The following PHC1 variants were observed in gnomAD, a reference collection of about 807,000 sequenced individuals.
The protein encoded by PHC1 is polyhomeotic homolog 1, also known as polyhomeotic-like protein 1.
Under a neutral mutation model 104.3 loss-of-function variants are expected in PHC1, and 12 were observed. The observed-to-expected ratio is 0.12, with a 90% confidence interval of 0.07 to 0.19. The LOEUF is 0.19. PHC1 is among the 10% of genes least tolerant of loss of function. PHC1 has a pLI of 1.00. For missense variants in PHC1, 671 were observed against 1,200.0 expected, an observed-to-expected ratio of 0.56 and a Z score of 6.51; for synonymous variants, 302 against 455.8, an observed-to-expected ratio of 0.66 and a Z score of 4.30.
At position 8,920,975 on chromosome 12, in the gene PHC1, C is replaced by G; in HGVS notation, c.226-10C>G. 6.2e-7 allele frequency: 1 copy of G among 1,605,616 alleles called. No individual in the cohort carries two copies. The highest frequency in any genetic ancestry group is 8.5e-7 in the Non-Finnish European group (1 of 1,175,080). Reference sequence around the variant, plus strand: ...CTTTGCTATTTCTTGTTTCCCTTCCCCTTTAATAGGCCACAATTGCTGCCA... The same window carrying G: ...CTTTGCTATTTCTTGTTTCCCTTCCGCTTTAATAGGCCACAATTGCTGCCA... On this transcript the variant is annotated splice_polypyrimidine_tract_variant and intron_variant, in intron 3 of 14. Coordinates refer to ENST00000544916, the MANE Select transcript of PHC1 (RefSeq NM_004426.3).
intron 1 of PHC1, chr12:8,916,083 T>G (rs1339636812): frequency 6.5e-6 from 1 of 154,390 alleles, no homozygotes; most frequent in Non-Finnish European, 1.5e-5. Flanking sequence ...TGTATCTGTT[T>G]AGTGCTTTGA....
intron 14 of PHC1, 87 bp from the exon 15 acceptor site, chr12:8,939,218 A>G: frequency 6.7e-7 from 1 of 1,492,356 alleles, no homozygotes; most frequent in Non-Finnish European, 9.2e-7. Context: ...GGTACTTTGG[A>G]ATTAATCATT....
intron 9 of PHC1, 26 bp downstream of exon 9, chr12:8,934,038 T>C (rs771253038): frequency 6.2e-7 from 1 of 1,612,068 alleles, no homozygotes; most frequent in East Asian, 2.2e-5. Context: ...CTAATGCTGT[T>C]GGAGAGCACA....
chr12:8,935,669 AC>A (rs1945816223), intron 11 of PHC1, among the ~76,000 whole-genome samples: 1 of 152,152 alleles, frequency 6.6e-6, no homozygotes, highest in Admixed American at 6.5e-5. Flanking sequence ...ACATATAGAA[AC>A]CATATTATAT....
At chr12:8,934,214 A>G (rs1424813894) in intron 9 of PHC1, 53 bp from the exon 10 acceptor site, 5 of 1,437,640 alleles carry the variant, frequency 3.5e-6, no homozygotes, top group Non-Finnish European at 4.9e-6. Context: ...CAACTAATAG[A>G]TGGATCAATA....
intron 11 of PHC1, 90 bp downstream of exon 11, chr12:8,935,328 T>C (rs1289707956): frequency 2.9e-6 from 2 of 696,098 alleles, no homozygotes; most frequent in Non-Finnish European, 4.8e-6. Context: ...TACCTATTTA[T>C]TTAAAGTAGA....
chr12:8,914,070 G>C (rs1029304921), upstream of PHC1: 1 of 152,284 alleles, frequency 6.6e-6, no homozygotes, highest in Non-Finnish European at 1.5e-5. Flanking sequence ...TCTAGGGGTC[G>C]TTGCTTTGCT....
At chr12:8,920,906 T>C in intron 3 of PHC1, 79 bp from the exon 4 acceptor site, 1 of 927,958 alleles carries the variant, frequency 1.1e-6, no homozygotes, top group Middle Eastern at 2.2e-4. Flanking sequence ...TGTTTTGTGC[T>C]TGTGATTTAT....
chr12:8,933,459 A>G, intron 8 of PHC1, 109 bp downstream of exon 8: 3 of 1,284,186 alleles, frequency 2.3e-6, no homozygotes, highest in Non-Finnish European at 3.1e-6. Context: ...AAGAGGGTTA[A>G]TATTGGTATT....
In PHC1 at chr12:8,938,156, T is replaced by G. The variant is rs755839809; in HGVS notation, c.2860+96T>G. On this transcript the variant is annotated intron_variant, in intron 14 of 14. Coordinates refer to ENST00000544916, the MANE Select transcript of PHC1 (RefSeq NM_004426.3). ...GGGAAAGTAATTGACTTTTAAGCAG[T>G]AGGAGCTTGAATGCTAATATAGAGG... 8.8e-6 allele frequency: 7 copies of G among 795,048 alleles called. 1 individual carries two copies. The South Asian group carries it at 1.2e-4, about 13-fold the overall frequency. 49.2% of individuals were successfully genotyped at this position (795,048 alleles called of 1,614,324 possible).
chr12:8,915,931 T>TA (rs1285890949), intron 1 of PHC1: 1 of 154,386 alleles, frequency 6.5e-6, no homozygotes, highest in Non-Finnish European at 1.5e-5. Flanking sequence ...ATGTAGGAAT[T>TA]ATGTTCTCTA....
At chr12:8,934,735 A>T (rs908866269) in intron 10 of PHC1, among the ~76,000 whole-genome samples, 1 of 152,212 alleles carries the variant, frequency 6.6e-6, no homozygotes, top group Admixed American at 6.5e-5. Flanking sequence ...AGTTTGTTTT[A>T]TAATGAATAA....
At chr12:8,922,926 C>A in intron 6 of PHC1, 138 bp downstream of exon 6, 1 of 701,372 alleles carries the variant, frequency 1.4e-6, no homozygotes, top group Non-Finnish European at 2.3e-6. Context: ...TTCCCTTAAT[C>A]ACCATAGAAC....
intron 8 of PHC1, 73 bp downstream of exon 8, chr12:8,933,423 T>G: frequency 6.9e-7 from 1 of 1,439,282 alleles, no homozygotes; most frequent in Non-Finnish European, 9.2e-7. Flanking sequence ...GAAATAGAGC[T>G]TAATTGAATA....
chr12:8,915,124 C>CT (rs1945163831), intron 1 of PHC1: 1 of 152,892 alleles, frequency 6.5e-6, no homozygotes, highest in Admixed American at 6.5e-5. Flanking sequence ...AGCATGCTGT[C>CT]TAGTTATCTC....
At chr12:8,926,781 G>A (rs764286798) in intron 6 of PHC1, among the ~76,000 whole-genome samples, 1 of 152,066 alleles carries the variant, frequency 6.6e-6, no homozygotes, top group South Asian at 2.1e-4. Flanking sequence ...TGGGCGTGGT[G>A]GCACATCCCT....
intron 14 of PHC1, among the ~76,000 whole-genome samples, chr12:8,938,739 C>T (rs770660376): frequency 7.2e-5 from 11 of 152,106 alleles, no homozygotes; most frequent in Non-Finnish European, 1.5e-4. Flanking sequence ...TCTCCCTTTC[C>T]CCTGTCTCTA....
rs746508668 is a variant in PHC1, at chr12:8,933,379, A to G, written c.1893+29A>G. ...AGTGATGTCTGATGGTTTTGAGGGC[A>G]CTATTATGCATGAGAGTGGACCTGG... On this transcript the variant is annotated intron_variant, in intron 8 of 14. Transcript: ENST00000544916. 18 of 1,522,490 alleles carry G rather than the reference A, an allele frequency of 1.2e-5. No homozygotes were observed. In the South Asian group the frequency reaches 2.0e-4, roughly 17 times the overall value. The allele number at this position is 1,522,490 out of a possible 1,614,324, so 94.3% of individuals were successfully genotyped here.
chr12:8,927,853 TTTTCTTTC>T (rs71045227), intron 6 of PHC1, among the ~76,000 whole-genome samples: 11,421 of 110,700 alleles, frequency 0.1, 1,020 homozygotes, highest in Non-Finnish European at 0.12. Flanking sequence ...ACTGTACTAG[TTTTCTTTC>T]TTTCTTTCTT....
Sources: gnomAD v4.1 joint callset for allele counts (sites outside exome capture counted in the v4.1 genomes callset) on GRCh38, gnomAD v4.1.1 for gene constraint, MANE v1.5 for transcripts, NCBI Gene and HGNC (gene_info 2026-07-23, HGNC 2026-07-21) for gene names.